Variants in TRIM55 observed in about 807,000 individuals in gnomAD.
TRIM55 encodes tripartite motif-containing protein 55.
TRIM55 carries 50 observed loss-of-function variants against 60.9 expected under a neutral mutation model. The observed-to-expected ratio is 0.82, with a 90% CI of 0.65 to 1.04. TRIM55 has a LOEUF of 1.04. Among genes scored for constraint, TRIM55 ranks in the 50% least tolerant of loss-of-function variants. The probability of loss-of-function intolerance (pLI) is 0.00; values close to 1 mark genes in which losing one functional copy is unlikely to be tolerated. For synonymous variants in TRIM55, 237 were observed against 238.1 expected (o/e 1.00, Z 0.04); for missense variants, 681 against 666.9 (o/e 1.02, Z -0.23).
chr8:66,140,706 T>A (rs1262891068), intron 4 of TRIM55, among the ~76,000 whole-genome samples: 3 of 152,184 alleles, frequency 2.0e-5, no homozygotes, highest in Admixed American at 1.3e-4. Flanking sequence ...TGGCTTGCAG[T>A]GAAATGGTCC....
rs550947750 is a variant in TRIM55, at chr8:66,167,702, C to A, written c.1525-6769C>A. On this transcript the variant is annotated intron_variant, in intron 9 of 9. Transcript: ENST00000315962. ...CCCCCCAGTCAGTTCACTCCACACA[C>A]CCCCTTAATCACTCAGTTTGTATGG... Among the ~76,000 whole-genome samples the A allele has an allele frequency of 1.2e-4, 19 of 152,316 alleles. No individual in the cohort carries two copies. In the South Asian group the frequency reaches 3.9e-3, roughly 32 times the overall value.
At chr8:66,138,224 G>T (rs1809596956) in intron 4 of TRIM55, among the ~76,000 whole-genome samples, 1 of 151,930 alleles carries the variant, frequency 6.6e-6, no homozygotes, top group Non-Finnish European at 1.5e-5. Context: ...TCCCACTCTT[G>T]TTCTCCTCCC....
In TRIM55 at chr8:66,155,051, C is replaced by G. The variant is rs1810661823; in HGVS notation, c.1524+717C>G. On this transcript the variant is annotated intron_variant, in intron 9 of 9. Coordinates refer to ENST00000315962, the MANE Select transcript of TRIM55 (RefSeq NM_184085.2). Reference sequence around the variant, plus strand: ...CAGAAGAAATCTTTTACAATTTCTTCACAAGGAAGAATGTTCATGGTGACT... The same window carrying G: ...CAGAAGAAATCTTTTACAATTTCTTGACAAGGAAGAATGTTCATGGTGACT... Among the ~76,000 whole-genome samples the G allele has an allele frequency of 2.0e-5, 3 of 152,206 alleles. 1 individual carries two copies. The South Asian group carries it at 6.2e-4, about 31-fold the overall frequency.
At chr8:66,162,305 A>G (rs1012964909) in intron 9 of TRIM55, among the ~76,000 whole-genome samples, 1 of 152,094 alleles carries the variant, frequency 6.6e-6, no homozygotes. Context: ...AATTCTGTTT[A>G]TGTGGCATAT....
chr8:66,142,551 C>A (rs1809878901), intron 4 of TRIM55, among the ~76,000 whole-genome samples: 1 of 152,178 alleles, frequency 6.6e-6, no homozygotes, highest in African/African-American at 2.4e-5. Context: ...GCCCTTATAG[C>A]GTCTACTCAA....
At chr8:66,161,368 C>G (rs767267480) in intron 9 of TRIM55, among the ~76,000 whole-genome samples, 2 of 152,172 alleles carry the variant, frequency 1.3e-5, no homozygotes, top group Non-Finnish European at 2.9e-5. Flanking sequence ...GTTCTCTATT[C>G]TGTTCCATTG....
At chr8:66,144,193 C>T (rs761809790) in intron 4 of TRIM55, among the ~76,000 whole-genome samples, 1 of 152,260 alleles carries the variant, frequency 6.6e-6, no homozygotes, top group Non-Finnish European at 1.5e-5. Context: ...AAGGAAACAA[C>T]CAAATGACCA....
At chr8:66,144,072 C>T (rs1189889709) in intron 4 of TRIM55, among the ~76,000 whole-genome samples, 1 of 152,086 alleles carries the variant, frequency 6.6e-6, no homozygotes, top group Non-Finnish European at 1.5e-5. Flanking sequence ...CTTATTACTA[C>T]TAAAATATAA....
At chr8:66,138,869 T>A (rs909196559) in intron 4 of TRIM55, among the ~76,000 whole-genome samples, 1 of 152,238 alleles carries the variant, frequency 6.6e-6, no homozygotes, top group African/African-American at 2.4e-5. Context: ...CAATAAATAC[T>A]ATTCTTATTA....
At chr8:66,148,838 C>A (rs997873794) in intron 4 of TRIM55, among the ~76,000 whole-genome samples, 2 of 152,164 alleles carry the variant, frequency 1.3e-5, no homozygotes, top group African/African-American at 2.4e-5. Context: ...CACTGTAGGT[C>A]AGGAGTTCAA....
chr8:66,171,050 G>A (rs1379846679), intron 9 of TRIM55, among the ~76,000 whole-genome samples: 4 of 152,144 alleles, frequency 2.6e-5, no homozygotes, highest in Non-Finnish European at 5.9e-5. Context: ...GTTCTGTAAT[G>A]TTTACATAAC....
intron 9 of TRIM55, 94 bp from the exon 10 acceptor site, chr8:66,174,371 GTTATTA>G: frequency 1.2e-6 from 1 of 846,508 alleles, no homozygotes; most frequent in Non-Finnish European, 1.7e-6. Flanking sequence ...AATAATAATT[GTTATTA>G]TTATTATACT....
intron 4 of TRIM55, among the ~76,000 whole-genome samples, chr8:66,139,354 C>G (rs1273374355): frequency 1.3e-5 from 2 of 152,144 alleles, no homozygotes; most frequent in East Asian, 3.8e-4. Flanking sequence ...GGGGGTCCAT[C>G]TGGGCCTTGA....
chr8:66,148,590 T>C (rs1010648120), intron 4 of TRIM55, among the ~76,000 whole-genome samples: 4 of 152,152 alleles, frequency 2.6e-5, no homozygotes, highest in African/African-American at 9.7e-5. Flanking sequence ...AGGGAAAGCA[T>C]GAACAAAGAA....
At chr8:66,141,417 G>T (rs898649796) in intron 4 of TRIM55, among the ~76,000 whole-genome samples, 2 of 152,182 alleles carry the variant, frequency 1.3e-5, no homozygotes, top group Non-Finnish European at 2.9e-5. Flanking sequence ...CATGAGCCCA[G>T]CATGATCTGA....
At chr8:66,158,309 T>C (rs1810864672) in intron 9 of TRIM55, among the ~76,000 whole-genome samples, 1 of 152,160 alleles carries the variant, frequency 6.6e-6, no homozygotes, top group South Asian at 2.1e-4. Flanking sequence ...GAACACAAAG[T>C]TGCAGTGATA....
chr8:66,127,717 C>G (rs1360294327), intron 1 of TRIM55, among the ~76,000 whole-genome samples: 1 of 151,942 alleles, frequency 6.6e-6, no homozygotes, highest in African/African-American at 2.4e-5. Flanking sequence ...CACCTATAAT[C>G]TCAGGTACTT....
chr8:66,150,827 C>T (rs1223434566), intron 7 of TRIM55, among the ~76,000 whole-genome samples: 2 of 152,142 alleles, frequency 1.3e-5, no homozygotes, highest in Non-Finnish European at 2.9e-5. Flanking sequence ...CCACCACACC[C>T]GGCTAATTTT....
At chr8:66,134,942 T>C in intron 2 of TRIM55, 48 bp from the exon 3 acceptor site, 2 of 1,596,114 alleles carry the variant, frequency 1.3e-6, no homozygotes, top group African/African-American at 1.3e-5. Flanking sequence ...CTTGATGAGA[T>C]TGCCCCAGTG....
Sources: gnomAD v4.1 joint callset for allele counts (sites outside exome capture counted in the v4.1 genomes callset) on GRCh38, gnomAD v4.1.1 for gene constraint, MANE v1.5 for transcripts, NCBI Gene and HGNC (gene_info 2026-07-23, HGNC 2026-07-21) for gene names.